KLF12: variants seen among roughly 807,000 people sequenced by gnomAD.
KLF12 encodes Krueppel-like factor 12.
In KLF12, 9 loss-of-function variants were observed where a neutral mutation model predicts 37.8. The ratio of observed to expected loss-of-function variants is 0.24; its 90% CI spans 0.14 to 0.42. The LOEUF is 0.42. KLF12 is among the 10% of genes least tolerant of loss of function. The pLI is 1.00. For missense variants in KLF12, 411 were observed against 516.0 expected (o/e 0.80, Z 1.97); for synonymous variants, 208 against 202.1 (o/e 1.03, Z -0.25).
At chr13:74,127,838 T>C (rs17222240) in intron 1 of KLF12, among the ~76,000 whole-genome samples, 1,801 of 152,340 alleles carry the variant, frequency 0.012, 21 homozygotes, top group Middle Eastern at 0.017. Context: ...CAAGTGACTT[T>C]TAAGCCATAA....
chr13:73,893,150 C>A (rs986842865), intron 3 of KLF12, among the ~76,000 whole-genome samples: 1 of 152,106 alleles, frequency 6.6e-6, no homozygotes, highest in Admixed American at 6.5e-5. Context: ...CCCACACCTC[C>A]GCAATGCTTT....
Position 73,906,305 on chromosome 13 carries a change from T to C in KLF12, c.123+37676A>G, listed in dbSNP as rs571974690. The stretch of plus-strand genomic sequence containing the variant: ...TTCTTAGACAATATGCTTTCAAATA[T>C]TGACTCTCCTTTTTCTCCTGTGGGA... On this transcript the variant is annotated intron_variant, in intron 3 of 7. Transcript: ENST00000377669. 1.1e-4 allele frequency among the ~76,000 whole-genome samples: 16 copies of C among 152,344 alleles called. 1 individual carries two copies. Among genetic ancestry groups the C allele is most frequent in the South Asian group, 1.0e-3 (5 of 4,828 alleles).
chr13:74,251,751 G>C, the KLF12 span, among the ~76,000 whole-genome samples: 1 of 152,074 alleles, frequency 6.6e-6, no homozygotes, highest in Non-Finnish European at 1.5e-5. Context: ...CATTATAAAC[G>C]AACTTTCAAA....
At chr13:73,771,919 G>A (rs926071607) in intron 5 of KLF12, among the ~76,000 whole-genome samples, 5 of 152,186 alleles carry the variant, frequency 3.3e-5, no homozygotes, top group African/African-American at 9.7e-5. Context: ...CCAAGAAGAG[G>A]AGCTAAGTTA....
At chr13:73,714,307 A>G (rs1309545078) in intron 7 of KLF12, among the ~76,000 whole-genome samples, 1 of 152,298 alleles carries the variant, frequency 6.6e-6, no homozygotes, top group East Asian at 1.9e-4. Context: ...AAGAACAGGG[A>G]GCAGAGAGAG....
At chr13:74,231,484 TG>T in the KLF12 span, 1 of 152,350 alleles carries the variant, frequency 6.6e-6, no homozygotes, top group East Asian at 1.9e-4. Flanking sequence ...CTGTTTGCAG[TG>T]TCAATGAGAT....
chr13:74,271,169 G>A, the KLF12 span, among the ~76,000 whole-genome samples: 1 of 152,136 alleles, frequency 6.6e-6, no homozygotes, highest in Non-Finnish European at 1.5e-5. Flanking sequence ...ATGGTCTGAG[G>A]TGGAACAGTT....
At chr13:74,179,041 A>G in the KLF12 span, among the ~76,000 whole-genome samples, 7 of 152,218 alleles carry the variant, frequency 4.6e-5, no homozygotes, top group Non-Finnish European at 8.8e-5. Flanking sequence ...TGTGTCTACT[A>G]TGTCCATGTG....
chr13:73,758,150 T>A (rs1879303388), intron 6 of KLF12, among the ~76,000 whole-genome samples: 1 of 152,096 alleles, frequency 6.6e-6, no homozygotes, highest in African/African-American at 2.4e-5. Flanking sequence ...TCCTCCTGCC[T>A]CAGTCTCTCA....
At chr13:73,835,236 G>T (rs184286050) in intron 4 of KLF12, among the ~76,000 whole-genome samples, 228 of 152,038 alleles carry the variant, frequency 1.5e-3, no homozygotes, top group African/African-American at 5.3e-3. Flanking sequence ...GAAAATCCGG[G>T]GGCATGGAAG....
At chr13:74,279,752 T>C in the KLF12 span, among the ~76,000 whole-genome samples, 3 of 152,148 alleles carry the variant, frequency 2.0e-5, no homozygotes, top group African/African-American at 4.8e-5. Context: ...GTGGACTCAA[T>C]AGAAAAAGAG....
At position 73,686,304 on chromosome 13, in the gene KLF12, A is replaced by C. The variant is rs1477949828; in HGVS notation, c.*9186T>G. The C allele has an allele frequency of 6.6e-6, 1 of 152,650 alleles. No individual in the cohort carries two copies. The highest frequency in any genetic ancestry group is 2.4e-5 in the African/African-American group (1 of 41,454). The allele number at this position is 152,650 out of a possible 1,614,324, so 9.5% of individuals were successfully genotyped here. A position where few individuals can be genotyped will look rare whatever the true frequency, so the allele number is the denominator to read the frequency against. ...TAAATCTCTGAGAATAGACTGGAAT[A>C]ATCATCCTCTGAGAGAATCTCATTA... On this transcript the variant is annotated 3_prime_UTR_variant, in exon 8 of 8. Coordinates refer to ENST00000377669, the MANE Select transcript of KLF12 (RefSeq NM_007249.5).
chr13:74,160,461 A>G, the KLF12 span, among the ~76,000 whole-genome samples: 1 of 152,238 alleles, frequency 6.6e-6, no homozygotes, highest in Non-Finnish European at 1.5e-5. Flanking sequence ...AAACTCATCT[A>G]CAGTGAAGTT....
intron 5 of KLF12, 113 bp downstream of exon 5, chr13:73,813,039 C>G: frequency 1.8e-6 from 2 of 1,093,700 alleles, no homozygotes; most frequent in Middle Eastern, 5.9e-4. Flanking sequence ...TGCTGACATT[C>G]GTGCCAGTTC....
intron 6 of KLF12, among the ~76,000 whole-genome samples, chr13:73,742,659 G>A (rs1332902694): frequency 1.3e-5 from 2 of 151,914 alleles, no homozygotes; most frequent in Non-Finnish European, 2.9e-5. Flanking sequence ...AACATCTAAG[G>A]TGGTGGCATT....
the KLF12 span, among the ~76,000 whole-genome samples, chr13:74,279,957 C>G: frequency 6.6e-6 from 1 of 152,124 alleles, no homozygotes; most frequent in Non-Finnish European, 1.5e-5. Flanking sequence ...ATCTTAAGCA[C>G]AGAGGACCAG....
the KLF12 span, among the ~76,000 whole-genome samples, chr13:74,178,442 A>T: frequency 6.6e-6 from 1 of 152,250 alleles, no homozygotes; most frequent in African/African-American, 2.4e-5. Context: ...GCAGGCAATT[A>T]GTAGTGTCTG....
the KLF12 span, among the ~76,000 whole-genome samples, chr13:74,152,885 G>GATAATA: frequency 1.7e-3 from 235 of 139,014 alleles, no homozygotes; most frequent in African/African-American, 2.9e-3. Context: ...CCCCATTACA[G>GATAATA]ATAATAATAA....
At chr13:74,247,087 C>CT in the KLF12 span, among the ~76,000 whole-genome samples, 5 of 151,952 alleles carry the variant, frequency 3.3e-5, no homozygotes, top group Non-Finnish European at 5.9e-5. Context: ...CAGTAAGCTT[C>CT]TTTTTTTTCG....
Sources: allele counts gnomAD v4.1 joint callset (sites outside exome capture counted in the v4.1 genomes callset), GRCh38; gene constraint gnomAD v4.1.1; transcripts MANE v1.5; gene names NCBI Gene and HGNC (gene_info 2026-07-23, HGNC 2026-07-21).